Variants in PLXNA4 observed in about 807,000 individuals in gnomAD.
PLXNA4 encodes plexin-A4.
A neutral mutation model predicts 191.8 loss-of-function variants in PLXNA4; 44 were observed. The ratio of observed to expected loss-of-function variants is 0.23; its 90% CI spans 0.18 to 0.29. The LOEUF (loss-of-function observed/expected upper bound fraction) is 0.29. Ranked by LOEUF, PLXNA4 falls within the 10% of genes least tolerant of loss-of-function variation. The pLI, the probability that PLXNA4 is intolerant of heterozygous loss-of-function variation, is 1.00. For synonymous variants in PLXNA4, 1,082 were observed against 1,009.5 expected, an observed-to-expected ratio of 1.07 and a Z score of -1.36; for missense variants, 1,800 against 2,488.8, an observed-to-expected ratio of 0.72 and a Z score of 5.89.
intron 28 of PLXNA4, among the ~76,000 whole-genome samples, chr7:132,145,729 G>A (rs1562881427): frequency 6.6e-6 from 1 of 151,974 alleles, no homozygotes; most frequent in East Asian, 1.9e-4. Flanking sequence ...TCTCAGGAGT[G>A]AAAGACTAGC....
intron 1 of PLXNA4, among the ~76,000 whole-genome samples, chr7:132,569,418 A>C (rs907874420): frequency 1.3e-5 from 2 of 152,258 alleles, no homozygotes; most frequent in African/African-American, 4.8e-5. Context: ...AGTGAAGGAC[A>C]GACAGGCAGG....
chr7:132,401,378 C>T (rs1031527245), intron 3 of PLXNA4, among the ~76,000 whole-genome samples: 68 of 152,328 alleles, frequency 4.5e-4, no homozygotes, highest in African/African-American at 1.4e-3. Flanking sequence ...GCCTGAGCAT[C>T]AGAGTTTTAA....
At chr7:132,297,840 G>A (rs749171676) in intron 4 of PLXNA4, among the ~76,000 whole-genome samples, 3 of 152,130 alleles carry the variant, frequency 2.0e-5, no homozygotes, top group Non-Finnish European at 4.4e-5. Flanking sequence ...GAACATATAT[G>A]CATGATTTTG....
intron 3 of PLXNA4, among the ~76,000 whole-genome samples, chr7:132,313,373 T>C (rs528666349): frequency 5.3e-5 from 8 of 152,146 alleles, no homozygotes; most frequent in Non-Finnish European, 7.3e-5. Context: ...ACTCTTATAT[T>C]GCATGGTGTG....
chr7:132,148,362 T>C (rs112734538), intron 26 of PLXNA4, among the ~76,000 whole-genome samples, 181 bp downstream of exon 26: 1 of 152,148 alleles, frequency 6.6e-6, no homozygotes, highest in African/African-American at 2.4e-5. Flanking sequence ...GGATGCTATC[T>C]CCAAAGAGGT....
At chr7:132,553,784 A>G (rs1800669368) in intron 1 of PLXNA4, among the ~76,000 whole-genome samples, 1 of 152,222 alleles carries the variant, frequency 6.6e-6, no homozygotes, top group African/African-American at 2.4e-5. Flanking sequence ...CCACTGATCT[A>G]CATGGCTATT....
At chr7:132,432,353 A>C (rs1795295442) in intron 3 of PLXNA4, among the ~76,000 whole-genome samples, 1 of 152,214 alleles carries the variant, frequency 6.6e-6, no homozygotes, top group South Asian at 2.1e-4. Context: ...AAAGAAGAAA[A>C]TAAATGTGTT....
chr7:132,614,193 C>G (rs1563195137), intron 2 of PLXNA4, among the ~76,000 whole-genome samples: 1 of 152,110 alleles, frequency 6.6e-6, no homozygotes, highest in Non-Finnish European at 1.5e-5. Flanking sequence ...TATTAATATT[C>G]AATATTTTGG....
intron 3 of PLXNA4, among the ~76,000 whole-genome samples, chr7:132,324,551 G>C (rs530229559): frequency 6.6e-6 from 1 of 152,226 alleles, no homozygotes; most frequent in East Asian, 1.9e-4. Context: ...CTATTATAAA[G>C]TGCTTGTTTC....
intron 4 of PLXNA4, among the ~76,000 whole-genome samples, chr7:132,274,546 C>T (rs1383224717): frequency 6.6e-6 from 1 of 152,018 alleles, no homozygotes; most frequent in Non-Finnish European, 1.5e-5. Context: ...ATTCCATTTA[C>T]TTGTTATAAC....
rs188901327 is a variant in PLXNA4, at chr7:132,509,681, T to C, written c.-86-902A>G. 2.0e-4 allele frequency among the ~76,000 whole-genome samples: 30 copies of C among 152,318 alleles called. No homozygotes were observed. In the East Asian group the frequency reaches 5.2e-3, roughly 26 times the overall value. ...GGGCTGTACCGTGGTCCCTGTCCCA[T>C]GCAGCAGAAGAATTAAGGTTGATCC... is the stretch of plus-strand genomic sequence containing the variant. On this transcript the variant is annotated intron_variant, in intron 1 of 31. Coordinates refer to ENST00000321063, the MANE Select transcript of PLXNA4 (RefSeq NM_020911.2).
intron 5 of PLXNA4, among the ~76,000 whole-genome samples, chr7:132,237,568 G>T (rs978757398): frequency 6.6e-6 from 1 of 152,148 alleles, no homozygotes. Context: ...TCCTGGAAGA[G>T]TTGGGCTTTA....
At chr7:132,252,299 GTTTTTTTTTTTTTTTTTT>G (rs71178032) in intron 4 of PLXNA4, among the ~76,000 whole-genome samples, 1 of 75,308 alleles carries the variant, frequency 1.3e-5, no homozygotes, top group African/African-American at 4.8e-5. Flanking sequence ...CATTCTAAAA[GTTTTTTTTTTTTTTTTTT>G]TTTTTTTTTT....
intron 3 of PLXNA4, among the ~76,000 whole-genome samples, chr7:132,393,618 C>A (rs1793616889): frequency 1.3e-5 from 2 of 152,170 alleles, no homozygotes; most frequent in Non-Finnish European, 2.9e-5. Flanking sequence ...ACTGAGAATG[C>A]AGAGTGCAGC....
chr7:132,165,724 A>AAAAT (rs1796102808), intron 22 of PLXNA4, among the ~76,000 whole-genome samples: 1 of 151,798 alleles, frequency 6.6e-6, no homozygotes, highest in Non-Finnish European at 1.5e-5. Context: ...GGGTGAAAAA[A>AAAAT]AAAAATCCCA....
Position 132,130,305 on chromosome 7 carries a change from A to C in PLXNA4, c.*174T>G, listed in dbSNP as rs2116487407. 2.2e-6 allele frequency: 2 copies of C among 892,778 alleles called. No homozygotes were observed. The highest frequency in any genetic ancestry group is 3.3e-6 in the Non-Finnish European group (2 of 599,222). 55.3% of individuals were successfully genotyped at this position (892,778 alleles called of 1,614,324 possible). On this transcript the variant is annotated 3_prime_UTR_variant, in exon 32 of 32. Transcript: ENST00000321063. ...GTGTTGGCAGAGCAACTGGAAGAGA[A>C]GAGATCCAGGAAGGAGGGAGAAACG...
At chr7:132,284,314 T>C (rs1190246755) in intron 4 of PLXNA4, among the ~76,000 whole-genome samples, 1 of 152,248 alleles carries the variant, frequency 6.6e-6, no homozygotes, top group Non-Finnish European at 1.5e-5. Context: ...AATACTGGAC[T>C]AACTAACTGA....
At chr7:132,189,409 G>T (rs1797018626) in intron 14 of PLXNA4, among the ~76,000 whole-genome samples, 1 of 152,136 alleles carries the variant, frequency 6.6e-6, no homozygotes. Context: ...AGAGGGAAGG[G>T]GGAAAGCATT....
At chr7:132,243,780 C>A (rs1002470556) in intron 4 of PLXNA4, among the ~76,000 whole-genome samples, 1 of 148,298 alleles carries the variant, frequency 6.7e-6, no homozygotes, top group Non-Finnish European at 1.5e-5. Flanking sequence ...CTATCCTTTT[C>A]ATTAATATCC....
Sources: allele counts gnomAD v4.1 joint callset (sites outside exome capture counted in the v4.1 genomes callset), GRCh38; gene constraint gnomAD v4.1.1; transcripts MANE v1.5; gene names NCBI Gene and HGNC (gene_info 2026-07-23, HGNC 2026-07-21).